DRD4: variants seen among roughly 807,000 people sequenced by gnomAD.
The protein encoded by DRD4 is D(4) dopamine receptor.
A neutral mutation model predicts 22.1 loss-of-function variants in DRD4; 26 were observed. That is an observed-to-expected ratio of 1.17 (90% confidence interval 0.86 to 1.63). The LOEUF (loss-of-function observed/expected upper bound fraction) is 1.63. Among genes scored for constraint, DRD4 ranks in the 40% most tolerant of loss-of-function variants. The probability of loss-of-function intolerance (pLI) is 0.00; values close to 1 mark genes in which losing one functional copy is unlikely to be tolerated. For missense variants in DRD4, 913 were observed against 632.4 expected (o/e 1.44, Z -4.76); for synonymous variants, 455 against 306.7 (o/e 1.48, Z -5.05).
At position 639,556 on chromosome 11, in the gene DRD4, C is replaced by T. The variant is rs1858153209; in HGVS notation, c.398+11C>T. ...CATCAGCGTGGACAGGTGCGCCGCC[C>T]TCCCCGCCCGCGCCCCGGCGCCCCC... On this transcript the variant is annotated intron_variant, in intron 2 of 3. Transcript: ENST00000176183. 6.8e-7 allele frequency: 1 copy of T among 1,466,308 alleles called. No individual in the cohort carries two copies. The highest frequency in any genetic ancestry group is 1.3e-5 in the South Asian group (1 of 75,026). 90.8% of individuals were successfully genotyped at this position (1,466,308 alleles called of 1,614,324 possible).
rs1858222476 is a variant in DRD4 at position 640,642 on chromosome 11, G to T, written c.*39G>T. ...GGACGCCCCCCGGCCTGATGGCCAG[G>T]CCTCAGGGACCAAGGAGATGGGGAG... On this transcript the variant is annotated 3_prime_UTR_variant, in exon 4 of 4. Transcript: ENST00000176183. 6.3e-7 allele frequency: 1 copy of T among 1,596,218 alleles called. No homozygotes were observed. Among genetic ancestry groups the T allele is most frequent in the Non-Finnish European group, 8.5e-7 (1 of 1,177,470 alleles).
rs371074760 is a variant in DRD4, at chr11:639,775, G to T, written c.526G>T (p.Asp176Tyr). Residue 176 changes from aspartate to tyrosine, a missense_variant, in exon 3 of 4, where the codon GAC (aspartate) becomes TAC (tyrosine). Physicochemically the swap from Asp to Tyr is radical, Grantham distance 160. Transcript: ENST00000176183. The stretch of plus-strand genomic sequence containing the variant: ...GGCGCCCGTACTGTGCGGCCTCAAC[G>T]ACGTGCGCGGCCGCGACCCCGCCGT... ...VAAPVLCGLN[D>Y]VRGRDPAVCR... 1.3e-6 allele frequency: 2 copies of T among 1,577,222 alleles called. No individual in the cohort carries two copies. Among genetic ancestry groups the T allele is most frequent in the African/African-American group, 1.4e-5 (1 of 72,694 alleles).
rs1858082098 is a variant in DRD4 at position 637,361 on chromosome 11, CGCGGGG to C, written c.60_65del (p.Gly21_Ala22del). ...GGCTGCTGGCTGGGCGCGGGCCGGC[CGCGGGG>C]GCATCTGCGGGGGCATCTGCGGGGC... On this transcript the variant is annotated inframe_deletion, in exon 1 of 4. Coordinates refer to ENST00000176183, the MANE Select transcript of DRD4 (RefSeq NM_000797.4). 2 of 1,316,080 alleles carry C rather than the reference CGCGGGG, an allele frequency of 1.5e-6. No individual in the cohort carries two copies. The highest frequency in any genetic ancestry group is 1.9e-6 in the Non-Finnish European group (2 of 1,041,090). 81.5% of individuals were successfully genotyped at this position (1,316,080 alleles called of 1,614,324 possible). A position where few individuals can be genotyped will look rare whatever the true frequency, so the allele number is the denominator to read the frequency against.
intron 2 of DRD4, 45 bp from the exon 3 acceptor site, chr11:639,603 C>A: frequency 1.5e-6 from 2 of 1,318,218 alleles, no homozygotes; most frequent in Non-Finnish European, 1.9e-6. Context: ...GCCGCCCTCA[C>A]CGCGGCCTGT....
intron 1 of DRD4, among the ~76,000 whole-genome samples, chr11:637,833 G>T (rs1005425179): frequency 6.6e-6 from 1 of 152,194 alleles, no homozygotes; most frequent in African/African-American, 2.4e-5. Flanking sequence ...CTGTCTTGGC[G>T]TCTGTTATCC....
rs1858085163 is a variant in DRD4 at position 637,415 on chromosome 11, G to A, written c.111G>A (p.Ala37=). Reference sequence around the variant, plus strand: ...GGCTGGCTGGGCAGGGCGCGGCGGCGCTGGTGGGGGGCGTGCTGCTCATCG... The same window carrying A: ...GGCTGGCTGGGCAGGGCGCGGCGGCACTGGTGGGGGGCGTGCTGCTCATCG... ...SAGLAGQGAA[A]LVGGVLLIGA... Residue 37 remains alanine (A), a synonymous_variant, in exon 1 of 4, where the codon GCG becomes GCA. Coordinates refer to ENST00000176183, the MANE Select transcript of DRD4 (RefSeq NM_000797.4). 3 of 1,505,662 alleles carry A rather than the reference G, an allele frequency of 2.0e-6. No individual in the cohort carries two copies. Among genetic ancestry groups the A allele is most frequent in the African/African-American group, 1.4e-5 (1 of 69,786 alleles). 93.3% of individuals were successfully genotyped at this position (1,505,662 alleles called of 1,614,324 possible). A position where few individuals can be genotyped will look rare whatever the true frequency, so the allele number is the denominator to read the frequency against.
Position 640,669 on chromosome 11 carries a change from G to A in DRD4, c.*66G>A, listed in dbSNP as rs912274227. 2 of 1,570,162 alleles carry A rather than the reference G, an allele frequency of 1.3e-6. No individual in the cohort carries two copies. Among genetic ancestry groups the A allele is most frequent in the Non-Finnish European group, 1.7e-6 (2 of 1,156,028 alleles). Reference sequence around the variant, plus strand: ...CTCAGGGACCAAGGAGATGGGGAGGGCGCTTTTGTACGTTAATTAAACAAA... The same window carrying A: ...CTCAGGGACCAAGGAGATGGGGAGGACGCTTTTGTACGTTAATTAAACAAA... On this transcript the variant is annotated 3_prime_UTR_variant, in exon 4 of 4. Transcript: ENST00000176183.
Position 637,387 on chromosome 11 carries a change from C to G in DRD4, c.83C>G (p.Ala28Gly), listed in dbSNP as rs547677287. 2 of 1,404,510 alleles carry G rather than the reference C, an allele frequency of 1.4e-6. No homozygotes were observed. The highest frequency in any genetic ancestry group is 1.5e-5 in the South Asian group (1 of 66,240). The allele number at this position is 1,404,510 out of a possible 1,614,324, so 87.0% of individuals were successfully genotyped here. ...PAAGASAGAS[A>G]GLAGQGAAAL... ...GCGGGGGCATCTGCGGGGGCATCTG[C>G]GGGGCTGGCTGGGCAGGGCGCGGCG... Residue 28 changes from alanine (A) to glycine (G), a missense_variant, in exon 1 of 4, where the codon GCG (alanine) becomes GGG (glycine). Ala to Gly is a moderately conservative substitution (Grantham distance 60, BLOSUM62 0). Transcript: ENST00000176183.
chr11:638,267 G>A (rs1858113117), intron 1 of DRD4, among the ~76,000 whole-genome samples: 1 of 152,190 alleles, frequency 6.6e-6, no homozygotes, highest in African/African-American at 2.4e-5. Context: ...AGCAGCTTAG[G>A]GCTGAGCTGG....
intron 1 of DRD4, 91 bp downstream of exon 1, chr11:637,680 TTCTGGTGCGGAGCTTCCA>T: frequency 6.5e-7 from 1 of 1,529,222 alleles, no homozygotes; most frequent in Non-Finnish European, 8.7e-7. Context: ...CCCGGCCCCT[TTCTGGTGCGGAGCTTCCA>T]GCTGGGGCGG....
chr11:637,617 C>T, intron 1 of DRD4, 28 bp downstream of exon 1: 1 of 1,539,700 alleles, frequency 6.5e-7, no homozygotes, highest in South Asian at 1.2e-5. Context: ...GCACGAGCAT[C>T]CTCACCTGCT....
At position 640,413 on chromosome 11, in the gene DRD4, T is replaced by G; in HGVS notation, c.1070T>G (p.Leu357Arg). Residue 357 changes from leucine to arginine, a missense_variant, in exon 4 of 4, where the codon CTG (leucine) becomes CGG (arginine). Leu to Arg is a moderately radical substitution (Grantham distance 102). Coordinates refer to ENST00000176183, the MANE Select transcript of DRD4 (RefSeq NM_000797.4). ...VLPVVVGAFL[L>R]CWTPFFVVHI... ...TCGGCGCCCCCAGGGGCCTTCCTGC[T>G]GTGCTGGACGCCCTTCTTCGTGGTG... 1 of 1,599,892 alleles carries G rather than the reference T, an allele frequency of 6.3e-7. No homozygotes were observed. The highest frequency in any genetic ancestry group is 1.7e-5 in the Admixed American group (1 of 59,986).
At position 639,819 on chromosome 11, in the gene DRD4, C is replaced by T; in HGVS notation, c.570C>T (p.Arg190=). The T allele has an allele frequency of 3.2e-6, 5 of 1,583,130 alleles. No homozygotes were observed. The highest frequency in any genetic ancestry group is 4.3e-6 in the Non-Finnish European group (5 of 1,172,674). Residue 190 remains arginine (R), a synonymous_variant, in exon 3 of 4, where the codon CGC becomes CGT. Transcript: ENST00000176183. The stretch of plus-strand genomic sequence containing the variant: ...CCGCCGTGTGCCGCCTGGAGGACCG[C>T]GACTACGTGGTCTACTCGTCCGTGT... The part of the protein sequence containing the change: ...RDPAVCRLED[R]DYVVYSSVCS...
chr11:637,569 C>T lies in DRD4; in HGVS notation c.265C>T (p.Pro89Ser). ...CCTCCTCCTCGCTCTCCTGGTGCTG[C>T]CGCTCTTCGTCTACTCCGAGGTGAG... is the stretch of plus-strand genomic sequence containing the variant. The part of the protein sequence containing the change: ...ADLLLALLVL[P>S]LFVYSEVQGG... The change falls in exon 1 of 4, where the codon CCG becomes TCG. Residue 89 changes from proline (P) to serine (S), a missense_variant. Coordinates refer to ENST00000176183, the MANE Select transcript of DRD4 (RefSeq NM_000797.4). 1 of 1,554,890 alleles carries T rather than the reference C, an allele frequency of 6.4e-7. No homozygotes were observed.
intron 1 of DRD4, 116 bp from the exon 2 acceptor site, chr11:639,317 T>A: frequency 1.0e-6 from 1 of 985,174 alleles, no homozygotes; most frequent in Non-Finnish European, 1.5e-6. Flanking sequence ...GGCCTCTGGC[T>A]CACAGCCGGG....
chr11:639,368 T>TA (rs140726804), intron 1 of DRD4, 65 bp from the exon 2 acceptor site: 1 of 1,376,280 alleles, frequency 7.3e-7, no homozygotes, highest in Non-Finnish European at 9.8e-7. Context: ...CCCATAAGAG[T>TA]GGGGGCGGGT....
Position 640,625 on chromosome 11 carries a change from C to A in DRD4, c.*22C>A. On this transcript the variant is annotated 3_prime_UTR_variant, in exon 4 of 4. Transcript: ENST00000176183. ...CTGAGCCGGGCACCCCCGGACGCCC[C>A]CCGGCCTGATGGCCAGGCCTCAGGG... 6.3e-7 allele frequency: 1 copy of A among 1,598,858 alleles called. No homozygotes were observed.
chr11:640,521 GCGCCCTCAACCC>G lies in DRD4; in HGVS notation c.1181_1192del (p.Ala394_Pro397del). On this transcript the variant is annotated inframe_deletion, in exon 4 of 4. Transcript: ENST00000176183. Reference sequence around the variant, plus strand: ...GTCACCTGGCTGGGCTACGTCAACAGCGCCCTCAACCCCGTCATCTACACTGTCTTCAACGCC... The same window carrying G: ...GTCACCTGGCTGGGCTACGTCAACAGCGTCATCTACACTGTCTTCAACGCC... The G allele has an allele frequency of 6.3e-7, 1 of 1,599,824 alleles. No homozygotes were observed. Among genetic ancestry groups the G allele is most frequent in the Non-Finnish European group, 8.5e-7 (1 of 1,179,230 alleles).
rs142719624 is a variant in DRD4, at chr11:640,561, G to C, written c.1218G>C (p.Glu406Asp). The change falls in exon 4 of 4, where the codon GAG (glutamate) becomes GAC (aspartate). Residue 406 changes from glutamate (E) to aspartate (D), a missense_variant. By Grantham distance (45) the Glu-to-Asp change is conservative. Transcript: ENST00000176183. ...TCATCTACACTGTCTTCAACGCCGA[G>C]TTCCGCAACGTCTTCCGCAAGGCCC... ...NPVIYTVFNA[E>D]FRNVFRKALR... 1.1e-4 allele frequency: 182 copies of C among 1,599,978 alleles called. No individual in the cohort carries two copies. In the Middle Eastern group the frequency reaches 3.5e-3, roughly 30 times the overall value.
Sources: gnomAD v4.1 joint callset for allele counts (sites outside exome capture counted in the v4.1 genomes callset) on GRCh38, gnomAD v4.1.1 for gene constraint, MANE v1.5 for transcripts, NCBI Gene and HGNC (gene_info 2026-07-23, HGNC 2026-07-21) for gene names.